The following ELAPOR2 variants were observed in gnomAD, a reference collection of about 807,000 sequenced individuals.
ELAPOR2 encodes endosome-lysosome associated apoptosis and autophagy regulator family member 2.
A neutral mutation model predicts 120.7 loss-of-function variants in ELAPOR2; 89 were observed. The ratio of observed to expected loss-of-function variants is 0.74; its 90% confidence interval spans 0.62 to 0.88. The LOEUF is 0.88. ELAPOR2 is among the 40% of genes least tolerant of loss of function. The probability of loss-of-function intolerance (pLI) is 0.00; values close to 1 mark genes in which losing one functional copy is unlikely to be tolerated. For missense variants in ELAPOR2, 1,134 were observed against 1,251.6 expected (o/e 0.91, Z 1.42); for synonymous variants, 444 against 444.9 (o/e 1.00, Z 0.03).
At chr7:86,949,958 G>A (rs149423567) in intron 2 of ELAPOR2, among the ~76,000 whole-genome samples, 1 of 152,306 alleles carries the variant, frequency 6.6e-6, no homozygotes, top group East Asian at 1.9e-4. Flanking sequence ...TGAAGCCTGG[G>A]GGCTGGGTTG....
chr7:86,943,303 A>G (rs1790876237), intron 4 of ELAPOR2, among the ~76,000 whole-genome samples: 1 of 150,522 alleles, frequency 6.6e-6, no homozygotes, highest in Admixed American at 6.7e-5. Context: ...TCATCATTTA[A>G]AAAAAAAAAT....
chr7:86,936,209 TTATGTATTTA>T (rs1790554189), intron 8 of ELAPOR2, among the ~76,000 whole-genome samples: 1 of 151,922 alleles, frequency 6.6e-6, no homozygotes, highest in Non-Finnish European at 1.5e-5. Flanking sequence ...AAATATCTAT[TTATGTATTTA>T]TATAAAGAGA....
intron 2 of ELAPOR2, among the ~76,000 whole-genome samples, chr7:86,960,422 T>A (rs549291927): frequency 6.6e-6 from 1 of 152,232 alleles, no homozygotes; most frequent in East Asian, 1.9e-4. Flanking sequence ...GGCTGATTTT[T>A]TTGTATTTTT....
At chr7:87,055,592 A>G (rs1795237186) in intron 1 of ELAPOR2, among the ~76,000 whole-genome samples, 2 of 151,962 alleles carry the variant, frequency 1.3e-5, no homozygotes, top group African/African-American at 4.8e-5. Flanking sequence ...CTACACTCAC[A>G]TCTGACCCTT....
chr7:87,011,692 T>C (rs1191401205), intron 1 of ELAPOR2, among the ~76,000 whole-genome samples: 1 of 152,184 alleles, frequency 6.6e-6, no homozygotes, highest in Non-Finnish European at 1.5e-5. Context: ...ATGAGAAATG[T>C]GTTGGTGGGT....
intron 1 of ELAPOR2, among the ~76,000 whole-genome samples, chr7:87,038,005 G>C (rs904904077): frequency 1.3e-5 from 2 of 152,050 alleles, no homozygotes; most frequent in South Asian, 4.1e-4. Flanking sequence ...TATCATCATA[G>C]ACTATCCTAT....
intron 1 of ELAPOR2, among the ~76,000 whole-genome samples, chr7:87,048,019 G>A (rs1343022931): frequency 6.6e-6 from 1 of 152,170 alleles, no homozygotes; most frequent in Non-Finnish European, 1.5e-5. Flanking sequence ...GCTGAGGTGG[G>A]CGGATCACAA....
At chr7:86,998,221 A>G (rs1793188492) in intron 1 of ELAPOR2, among the ~76,000 whole-genome samples, 1 of 152,198 alleles carries the variant, frequency 6.6e-6, no homozygotes, top group African/African-American at 2.4e-5. Flanking sequence ...CTAGTTAAAC[A>G]ATGGTAATAT....
intron 1 of ELAPOR2, among the ~76,000 whole-genome samples, chr7:87,036,608 A>G (rs1044509108): frequency 6.6e-6 from 1 of 152,262 alleles, no homozygotes; most frequent in Admixed American, 6.5e-5. Flanking sequence ...AGCCATAAAA[A>G]ACAACAAAAT....
At position 86,881,599 on chromosome 7, in the gene ELAPOR2, G is replaced by A. The variant is rs558256560; in HGVS notation, c.3031-1069C>T. Among the ~76,000 whole-genome samples, 64 of 151,834 alleles carry A rather than the reference G, an allele frequency of 4.2e-4. No individual in the cohort carries two copies. The South Asian group carries it at 0.011, about 27-fold the overall frequency. On this transcript the variant is annotated intron_variant, in intron 21 of 21. Coordinates refer to ENST00000450689, the MANE Select transcript of ELAPOR2 (RefSeq NM_001142749.3). ...TCTCGAACTCCTGTCCTCGTGATCC[G>A]CCCACCTCGGCCTCCCAAAGTGCTG... is the stretch of plus-strand genomic sequence containing the variant.
At chr7:86,886,182 G>A (rs1319688592) in intron 21 of ELAPOR2, among the ~76,000 whole-genome samples, 1 of 152,144 alleles carries the variant, frequency 6.6e-6, no homozygotes, top group Non-Finnish European at 1.5e-5. Context: ...TTGGAACTAT[G>A]TAAGCAGATT....
intron 1 of ELAPOR2, among the ~76,000 whole-genome samples, chr7:87,015,544 T>G (rs1489098113): frequency 6.6e-6 from 1 of 152,160 alleles, no homozygotes; most frequent in African/African-American, 2.4e-5. Flanking sequence ...TTCCAGCACT[T>G]TGGGAGCCAA....
chr7:86,888,235 T>C (rs527874443), intron 21 of ELAPOR2, among the ~76,000 whole-genome samples: 2 of 152,194 alleles, frequency 1.3e-5, no homozygotes, highest in Admixed American at 1.3e-4. Context: ...ATAAAATGCC[T>C]TTATCCCTCT....
chr7:86,938,796 A>T lies in ELAPOR2; in HGVS notation c.1000+12T>A. 1.2e-6 allele frequency: 2 copies of T among 1,612,506 alleles called. No homozygotes were observed. The highest frequency in any genetic ancestry group is 1.7e-6 in the Non-Finnish European group (2 of 1,178,892). Reference sequence around the variant, plus strand: ...TTTAGAAAGAAAAAAGCAGAGTATAAACTAGTTCTACCTGAAAATTGAGAG... The same window carrying T: ...TTTAGAAAGAAAAAAGCAGAGTATATACTAGTTCTACCTGAAAATTGAGAG... On this transcript the variant is annotated intron_variant, in intron 7 of 21. Transcript: ENST00000450689.
rs144541287 is a variant in ELAPOR2, at chr7:87,048,183, G to T, written c.189+11142C>A. 8.7e-4 allele frequency among the ~76,000 whole-genome samples: 132 copies of T among 151,980 alleles called. 3 individuals are homozygous for T. In the East Asian group the frequency reaches 0.018, roughly 21 times the overall value. The stretch of plus-strand genomic sequence containing the variant: ...CGCTTGAACCTGGGAGGCGGAGGTT[G>T]CAGTGAGCCGAGATTGCACCACTGC... On this transcript the variant is annotated intron_variant, in intron 1 of 21. Transcript: ENST00000450689.
At chr7:86,975,031 G>A (rs903357042) in intron 1 of ELAPOR2, among the ~76,000 whole-genome samples, 14 of 152,142 alleles carry the variant, frequency 9.2e-5, no homozygotes, top group African/African-American at 3.4e-4. Context: ...ATACAAGAAG[G>A]ATTCTGCTAC....
chr7:86,982,677 G>A (rs1448696202), intron 1 of ELAPOR2, among the ~76,000 whole-genome samples: 1 of 152,202 alleles, frequency 6.6e-6, no homozygotes, highest in African/African-American at 2.4e-5. Context: ...AACCCCATCT[G>A]TAGGTCACCA....
chr7:87,012,605 T>C (rs1227718314), intron 1 of ELAPOR2, among the ~76,000 whole-genome samples: 1 of 152,210 alleles, frequency 6.6e-6, no homozygotes, highest in Non-Finnish European at 1.5e-5. Context: ...CTGTACTTTC[T>C]GTTCACATAC....
intron 15 of ELAPOR2, among the ~76,000 whole-genome samples, chr7:86,910,639 T>C (rs756970760): frequency 6.6e-6 from 1 of 152,088 alleles, no homozygotes; most frequent in Non-Finnish European, 1.5e-5. Context: ...TTGAAAATAA[T>C]TGGAAGATAT....
Sources: allele counts gnomAD v4.1 joint callset (sites outside exome capture counted in the v4.1 genomes callset), GRCh38; gene constraint gnomAD v4.1.1; transcripts MANE v1.5; gene names NCBI Gene and HGNC (gene_info 2026-07-23, HGNC 2026-07-21).